The following UBAP2L variants were observed in gnomAD, a reference collection of about 807,000 sequenced individuals.
The protein encoded by UBAP2L is ubiquitin associated protein 2 like, also known as ubiquitin-associated protein 2-like.
UBAP2L carries 12 observed loss-of-function variants against 130.6 expected under a neutral mutation model. The ratio of observed to expected loss-of-function variants is 0.09; its 90% CI spans 0.06 to 0.15. UBAP2L has a LOEUF of 0.15. Among genes scored for constraint, UBAP2L ranks in the 10% least tolerant of loss-of-function variants. The pLI, the probability that UBAP2L is intolerant of heterozygous loss-of-function variation, is 1.00. For synonymous variants in UBAP2L, 503 were observed against 524.7 expected (o/e 0.96, Z 0.57); for missense variants, 965 against 1,332.5 (o/e 0.72, Z 4.29).
chr1:154,223,212 A>G (rs559797058), intron 1 of UBAP2L, among the ~76,000 whole-genome samples: 13 of 152,312 alleles, frequency 8.5e-5, no homozygotes, highest in African/African-American at 3.1e-4. Context: ...TTTCTTGGTT[A>G]ATTATATCTT....
At chr1:154,225,590 C>T (rs995489393) in intron 2 of UBAP2L, among the ~76,000 whole-genome samples, 2 of 152,108 alleles carry the variant, frequency 1.3e-5, no homozygotes, top group Non-Finnish European at 2.9e-5. Flanking sequence ...CCGCCTCAGC[C>T]TCCTGAGTAG....
chr1:154,269,060 A>G (rs781528764), intron 26 of UBAP2L, 106 bp downstream of exon 26: 54 of 1,294,626 alleles, frequency 4.2e-5, no homozygotes, highest in South Asian at 1.2e-4. Flanking sequence ...CCTTCACCCA[A>G]TCCCTCCCCA....
intron 21 of UBAP2L, among the ~76,000 whole-genome samples, chr1:154,259,235 A>C (rs1680678605): frequency 6.6e-6 from 1 of 152,008 alleles, no homozygotes; most frequent in African/African-American, 2.4e-5. Flanking sequence ...TCTGTCGCTC[A>C]AGCTGGAGTG....
At chr1:154,220,725 G>A (rs1028366876), upstream of UBAP2L, 92 of 380,222 alleles carry the variant, frequency 2.4e-4, 1 homozygote, top group Non-Finnish European at 4.1e-4. Context: ...GTGGAGGCAG[G>A]GCCGCCGTGA....
chr1:154,254,731 C>T, intron 15 of UBAP2L, 105 bp from the exon 16 acceptor site: 5 of 1,220,134 alleles, frequency 4.1e-6, no homozygotes, highest in Middle Eastern at 2.0e-4. Context: ...TACAGAGTTT[C>T]TCCTAAAGAT....
intron 16 of UBAP2L, 64 bp downstream of exon 16, chr1:154,254,954 T>C: frequency 1.3e-6 from 2 of 1,547,686 alleles, no homozygotes; most frequent in Non-Finnish European, 1.7e-6. Flanking sequence ...ATGGTGATAA[T>C]CCATTAGTTC....
At chr1:154,244,685 C>T (rs779494381) in intron 10 of UBAP2L, among the ~76,000 whole-genome samples, 1 of 152,086 alleles carries the variant, frequency 6.6e-6, no homozygotes, top group Non-Finnish European at 1.5e-5. Context: ...AAAGGTACAA[C>T]TCAGCAACAG....
chr1:154,244,226 A>G (rs1674576623), intron 10 of UBAP2L, among the ~76,000 whole-genome samples: 1 of 152,186 alleles, frequency 6.6e-6, no homozygotes, highest in Non-Finnish European at 1.5e-5. Flanking sequence ...CAGACCCCAC[A>G]AGTTGAAAGC....
In UBAP2L at chr1:154,256,152, G is replaced by C. The variant is rs147455458; in HGVS notation, c.2157+397G>C. ...GACATTTTTGTGAAAGTAGATGCCA[G>C]GTGAGAGCTTTTGGTCCAAGAGTCA... On this transcript the variant is annotated intron_variant, in intron 18 of 26. Transcript: ENST00000428931. Among the ~76,000 whole-genome samples the C allele has an allele frequency of 9.7e-4, 148 of 152,322 alleles. 1 individual carries two copies. Among genetic ancestry groups the C allele is most frequent in the Non-Finnish European group, 1.5e-3 (103 of 68,034 alleles).
At chr1:154,269,241 CT>C in intron 26 of UBAP2L, 1 of 1,050,330 alleles carries the variant, frequency 9.5e-7, no homozygotes, top group Non-Finnish European at 1.4e-6. Context: ...TGGGTCACAC[CT>C]TCCCTCTTTC....
chr1:154,269,156 G>T (rs1311961708), intron 26 of UBAP2L: 3 of 872,094 alleles, frequency 3.4e-6, no homozygotes, highest in Non-Finnish European at 5.2e-6. Context: ...GAAGGGCCGG[G>T]TTGAAACCTT....
At chr1:154,269,903 G>T (rs1352914999) in intron 26 of UBAP2L, among the ~76,000 whole-genome samples, 4 of 152,162 alleles carry the variant, frequency 2.6e-5, no homozygotes, top group Non-Finnish European at 5.9e-5. Context: ...CAAGAGCAGG[G>T]GAGAGAGGGG....
Sources: allele counts gnomAD v4.1 joint callset (sites outside exome capture counted in the v4.1 genomes callset), GRCh38; gene constraint gnomAD v4.1.1; transcripts MANE v1.5; gene names NCBI Gene and HGNC (gene_info 2026-07-23, HGNC 2026-07-21).